Variants in DOCK8 observed in about 807,000 individuals in gnomAD.
DOCK8 encodes dedicator of cytokinesis 8.
DOCK8 carries 141 observed loss-of-function variants against 245.6 expected under a neutral mutation model. That is an observed-to-expected ratio of 0.57 (90% CI 0.50 to 0.66). The LOEUF (loss-of-function observed/expected upper bound fraction) is 0.66. DOCK8 is among the 30% of genes least tolerant of loss of function. DOCK8 has a pLI of 0.00. For missense variants in DOCK8, 2,965 were observed against 2,603.4 expected (o/e 1.14, Z -3.02); for synonymous variants, 1,168 against 970.2 (o/e 1.20, Z -3.79).
intron 5 of DOCK8, 123 bp downstream of exon 5, chr9:304,827 C>A: frequency 7.5e-7 from 1 of 1,336,662 alleles, no homozygotes; most frequent in Non-Finnish European, 1.0e-6. Context: ...AGGAACTTTA[C>A]CATCTGAGTC....
At chr9:286,316 C>A in intron 2 of DOCK8, 145 bp from the exon 3 acceptor site, 1 of 844,104 alleles carries the variant, frequency 1.2e-6, no homozygotes, top group Non-Finnish European at 1.8e-6. Flanking sequence ...TGTTTGACAG[C>A]TCCTCCAAAG....
At chr9:407,674 C>T (rs762878110) in intron 28 of DOCK8, among the ~76,000 whole-genome samples, 3 of 152,244 alleles carry the variant, frequency 2.0e-5, no homozygotes, top group East Asian at 3.9e-4. Flanking sequence ...CCCTATGCTC[C>T]GTGAGCTCAT....
chr9:439,179 G>T (rs2057003539), intron 39 of DOCK8, 66 bp from the exon 40 acceptor site: 4 of 1,607,362 alleles, frequency 2.5e-6, no homozygotes, highest in Non-Finnish European at 3.4e-6. Context: ...CCCCATTCGG[G>T]GTTCCTGTGG....
At chr9:255,689 A>G (rs2047755705) in intron 1 of DOCK8, among the ~76,000 whole-genome samples, 1 of 151,120 alleles carries the variant, frequency 6.6e-6, no homozygotes. Context: ...AAAAAAAAAA[A>G]AAAACAGCTC....
intron 24 of DOCK8, among the ~76,000 whole-genome samples, chr9:392,301 G>T (rs1384584080): frequency 6.6e-6 from 1 of 152,096 alleles, no homozygotes; most frequent in Non-Finnish European, 1.5e-5. Flanking sequence ...CACTGGGGAG[G>T]AAATAGGAAG....
intron 6 of DOCK8, 150 bp downstream of exon 6, chr9:312,316 G>C: frequency 1.1e-6 from 1 of 877,082 alleles, no homozygotes; most frequent in East Asian, 2.6e-5. Context: ...ACTCAGGCAA[G>C]CCTGTGTGTC....
chr9:370,151 A>G (rs2053218634), intron 15 of DOCK8, 79 bp from the exon 16 acceptor site: 3 of 1,242,012 alleles, frequency 2.4e-6, no homozygotes, highest in African/African-American at 3.0e-5. Context: ...AGACCAGAAC[A>G]TCCTGTTGGC....
chr9:413,082 G>T (rs2055820857), intron 28 of DOCK8, among the ~76,000 whole-genome samples: 1 of 152,070 alleles, frequency 6.6e-6, no homozygotes, highest in Non-Finnish European at 1.5e-5. Context: ...ATGAAATTGG[G>T]TTAAGAGTCC....
rs1231940917 is a variant in DOCK8, at chr9:465,164, A to T, written c.*945A>T. The T allele has an allele frequency of 6.5e-6, 1 of 152,686 alleles. No individual in the cohort carries two copies. Among genetic ancestry groups the T allele is most frequent in the Non-Finnish European group, 1.5e-5 (1 of 68,050 alleles). The allele number at this position is 152,686 out of a possible 1,614,324, so 9.5% of individuals were successfully genotyped here. Reference sequence around the variant, plus strand: ...ACAAAGGACTTTAGGAAAAAGAGGAACAAAGACATTATTTGAGAATTAAAT... The same window carrying T: ...ACAAAGGACTTTAGGAAAAAGAGGATCAAAGACATTATTTGAGAATTAAAT... On this transcript the variant is annotated 3_prime_UTR_variant, in exon 48 of 48. Transcript: ENST00000432829.
In DOCK8 at chr9:405,078, T is replaced by TA; in HGVS notation, c.3390+9dup. The TA allele has an allele frequency of 6.2e-7, 1 of 1,611,118 alleles. No homozygotes were observed. Among genetic ancestry groups the TA allele is most frequent in the Non-Finnish European group, 8.5e-7 (1 of 1,177,886 alleles). ...TGTCCTTCCATATCTTCCCAGGTAA[T>TA]AAAAGAATTATTTAACTAAAAGAAT... is the stretch of plus-strand genomic sequence containing the variant. On this transcript the variant is annotated splice_donor_region_variant and intron_variant, in intron 27 of 47. Coordinates refer to ENST00000432829, the MANE Select transcript of DOCK8 (RefSeq NM_203447.4).
intron 18 of DOCK8, among the ~76,000 whole-genome samples, chr9:375,660 A>G (rs2053484305): frequency 6.6e-6 from 1 of 152,134 alleles, no homozygotes; most frequent in Non-Finnish European, 1.5e-5. Flanking sequence ...TGAGAACAGA[A>G]CACTAAGGCC....
At chr9:444,163 G>A (rs779980532) in intron 43 of DOCK8, among the ~76,000 whole-genome samples, 2 of 151,886 alleles carry the variant, frequency 1.3e-5, no homozygotes, top group Admixed American at 6.6e-5. Context: ...ATGCTAACAC[G>A]TGGAGGTGGT....
chr9:319,174 T>C (rs1277052842), intron 7 of DOCK8, among the ~76,000 whole-genome samples: 1 of 152,022 alleles, frequency 6.6e-6, no homozygotes, highest in South Asian at 2.1e-4. Context: ...CCTAGCTACA[T>C]TGGGAGGCTG....
intron 46 of DOCK8, among the ~76,000 whole-genome samples, chr9:461,451 T>C (rs2057803038): frequency 6.6e-6 from 1 of 151,976 alleles, no homozygotes; most frequent in South Asian, 2.1e-4. Context: ...TGTCATACAT[T>C]TACTTCTCCA....
intron 18 of DOCK8, among the ~76,000 whole-genome samples, chr9:375,473 C>G (rs547287470): frequency 8.5e-5 from 13 of 152,288 alleles, no homozygotes; most frequent in Admixed American, 3.3e-4. Flanking sequence ...ATATCGGGTA[C>G]TCAAAAGTAT....
chr9:251,557 C>G (rs2047646355), intron 1 of DOCK8, among the ~76,000 whole-genome samples: 1 of 152,170 alleles, frequency 6.6e-6, no homozygotes. Flanking sequence ...AGAAGTTTCA[C>G]TCCGATAGCA....
At chr9:342,297 CT>C (rs34071975) in intron 14 of DOCK8, among the ~76,000 whole-genome samples, 48,444 of 123,866 alleles carry the variant, frequency 0.39, 8,198 homozygotes, top group East Asian at 0.6. Context: ...TTTCTTTTTT[CT>C]TTTTTTTTTT....
At chr9:338,223 A>C (rs1402012367) in intron 12 of DOCK8, among the ~76,000 whole-genome samples, 1 of 152,058 alleles carries the variant, frequency 6.6e-6, no homozygotes, top group Admixed American at 6.6e-5. Flanking sequence ...CTTAAAATAA[A>C]CTCGCTTGGT....
chr9:456,481 GTC>G (rs1375809084), intron 46 of DOCK8: 1 of 152,220 alleles, frequency 6.6e-6, no homozygotes, highest in South Asian at 2.1e-4. Flanking sequence ...CCATAAATGA[GTC>G]TCTGTTGCTG....
Sources: gnomAD v4.1 joint callset for allele counts (sites outside exome capture counted in the v4.1 genomes callset) on GRCh38, gnomAD v4.1.1 for gene constraint, MANE v1.5 for transcripts, NCBI Gene and HGNC (gene_info 2026-07-23, HGNC 2026-07-21) for gene names.